Variants in KHK observed in about 807,000 individuals in gnomAD.
KHK encodes the protein ketohexokinase.
KHK carries 37 observed loss-of-function variants against 36.0 expected under a neutral mutation model. The observed-to-expected ratio is 1.03, with a 90% CI of 0.79 to 1.35. The LOEUF (loss-of-function observed/expected upper bound fraction) is 1.35, where lower values mean the gene tolerates loss of function less well. Ranked by LOEUF, KHK falls within the 40% of genes most tolerant of loss-of-function variation. The pLI, the probability that KHK is intolerant of heterozygous loss-of-function variation, is 0.00. For missense variants in KHK, 395 were observed against 391.9 expected (o/e 1.01, Z -0.07); for synonymous variants, 161 against 162.8 (o/e 0.99, Z 0.08).
intron 2 of KHK, among the ~76,000 whole-genome samples, chr2:27,093,194 G>A (rs946438042): frequency 2.6e-5 from 4 of 152,206 alleles, no homozygotes; most frequent in Non-Finnish European, 4.4e-5. Context: ...CTGGTTTGAA[G>A]GGGGCTGCTG....
At chr2:27,088,579 A>AT (rs1014500680) in intron 1 of KHK, among the ~76,000 whole-genome samples, 20 of 149,892 alleles carry the variant, frequency 1.3e-4, no homozygotes, top group African/African-American at 3.2e-4. Context: ...TGCCCCACTA[A>AT]TTTTTTTTTT....
rs1250129729 is a variant in KHK, at chr2:27,087,329, C to G, written c.70C>G (p.Pro24Ala). Reference sequence around the variant, plus strand: ...CGTCATCAGCCTGGTGGACAAGTACCCTAAGGAGGACTCGGAGATAAGGTA... The same window carrying G: ...CGTCATCAGCCTGGTGGACAAGTACGCTAAGGAGGACTCGGAGATAAGGTA... ...LDVISLVDKY[P>A]KEDSEIRCLS... The change falls in exon 1 of 8, where the codon CCT becomes GCT. Residue 24 changes from proline (P) to alanine (A), a missense_variant. Transcript: ENST00000260598. 1 of 1,597,398 alleles carries G rather than the reference C, an allele frequency of 6.3e-7. No individual in the cohort carries two copies. Among genetic ancestry groups the G allele is most frequent in the Non-Finnish European group, 8.5e-7 (1 of 1,171,650 alleles).
At chr2:27,087,504 C>T (rs1372535683) in intron 1 of KHK, among the ~76,000 whole-genome samples, 153 bp downstream of exon 1, 2 of 152,212 alleles carry the variant, frequency 1.3e-5, no homozygotes, top group African/African-American at 4.8e-5. Context: ...CCTGGGGGGG[C>T]TCCCAGCATG....
At chr2:27,091,234 C>T (rs1410558955) in intron 1 of KHK, among the ~76,000 whole-genome samples, 2 of 152,010 alleles carry the variant, frequency 1.3e-5, no homozygotes, top group Non-Finnish European at 2.9e-5. Flanking sequence ...GTATGCACCA[C>T]CATACCCAGC....
chr2:27,091,203 C>T (rs545619091), intron 1 of KHK, among the ~76,000 whole-genome samples: 39 of 152,322 alleles, frequency 2.6e-4, no homozygotes, highest in Non-Finnish European at 4.3e-4. Context: ...ACTTCAGCCT[C>T]CTGAGTAGCT....
intron 5 of KHK, among the ~76,000 whole-genome samples, chr2:27,098,257 A>C (rs1477783804): frequency 6.6e-6 from 1 of 152,072 alleles, no homozygotes; most frequent in Non-Finnish European, 1.5e-5. Context: ...GTAGTGGCTC[A>C]CACTTGTAAT....
intron 3 of KHK, among the ~76,000 whole-genome samples, chr2:27,096,131 T>C (rs79779823): frequency 6.6e-4 from 100 of 152,340 alleles, no homozygotes; most frequent in East Asian, 5.8e-4. Context: ...GCGGGGACTT[T>C]GGCTGAGTTG....
intron 4 of KHK, 36 bp from the exon 5 acceptor site, chr2:27,097,467 T>C (rs771705386): frequency 1.6e-5 from 25 of 1,611,696 alleles, no homozygotes; most frequent in Non-Finnish European, 2.0e-5. Context: ...GGCCAGGCAG[T>C]GCCCAGCGGT....
At chr2:27,089,928 C>T (rs1033688398) in intron 1 of KHK, among the ~76,000 whole-genome samples, 2 of 152,258 alleles carry the variant, frequency 1.3e-5, no homozygotes, top group Non-Finnish European at 2.9e-5. Flanking sequence ...TCTTGGCTCA[C>T]TGCAACCTCC....
chr2:27,096,731 G>A lies in KHK; in HGVS notation c.347G>A (p.Ser116Asn), dbSNP rs1386498526. ...GTCTTTTCCATCCTGTGACCTAGGA[G>A]CCTGCCAGATGTGTCTGCTACAGAC... ...GNRTIVLHDT[S>N]LPDVSATDFE... is the part of the protein sequence containing the mutation. The change falls in exon 4 of 8, where the codon AGC becomes AAC. Residue 116 changes from serine to asparagine, a missense_variant and splice_region_variant. Coordinates refer to ENST00000260598, the MANE Select transcript of KHK (RefSeq NM_006488.3). The A allele has an allele frequency of 1.2e-6, 2 of 1,613,832 alleles. No individual in the cohort carries two copies. Among genetic ancestry groups the A allele is most frequent in the South Asian group, 1.1e-5 (1 of 91,070 alleles).
intron 6 of KHK, 22 bp downstream of exon 6, chr2:27,099,306 G>A (rs760400912): frequency 1.6e-5 from 26 of 1,613,730 alleles, no homozygotes; most frequent in Middle Eastern, 3.3e-4. Flanking sequence ...AAGCCAGGAA[G>A]GGGCTTTAGA....
At chr2:27,094,989 G>A (rs547782387) in intron 3 of KHK, 55 bp downstream of exon 3, 2 of 1,604,498 alleles carry the variant, frequency 1.2e-6, no homozygotes, top group South Asian at 1.1e-5. Flanking sequence ...GGCTCAATCA[G>A]TTCCCTCACT....
Position 27,096,774 on chromosome 2 carries a change from G to A in KHK, c.390G>A (p.Leu130=). The A allele has an allele frequency of 6.2e-7, 1 of 1,614,056 alleles. No homozygotes were observed. The highest frequency in any genetic ancestry group is 1.1e-5 in the South Asian group (1 of 91,070). The change falls in exon 4 of 8, where the codon CTG becomes CTA. Residue 130 remains leucine (L), a synonymous_variant. Transcript: ENST00000260598. Reference sequence around the variant, plus strand: ...CTACAGACTTTGAGAAGGTTGATCTGACCCAGTTCAAGTGGATCCACATTG... The same window carrying A: ...CTACAGACTTTGAGAAGGTTGATCTAACCCAGTTCAAGTGGATCCACATTG... ...VSATDFEKVD[L]TQFKWIHIEG... is the part of the protein sequence containing the mutation.
rs376058667 is a variant in KHK at position 27,096,817 on chromosome 2, C to G, written c.417+16C>G. On this transcript the variant is annotated intron_variant, in intron 4 of 7. Coordinates refer to ENST00000260598, the MANE Select transcript of KHK (RefSeq NM_006488.3). The stretch of plus-strand genomic sequence containing the variant: ...CCACATTGAGGTAAGCCCTGCCTTA[C>G]CTGTGTTTCAAGGGGCTCAACCTGC... 32 of 1,606,292 alleles carry G rather than the reference C, an allele frequency of 2.0e-5. No homozygotes were observed. Among genetic ancestry groups the G allele is most frequent in the Non-Finnish European group, 2.6e-5 (30 of 1,173,086 alleles).
chr2:27,094,941 C>A lies in KHK; in HGVS notation c.344+7C>A. On this transcript the variant is annotated splice_region_variant and intron_variant, in intron 3 of 7. Transcript: ENST00000260598. ...CCATTGTGCTCCATGACACGTAAGG[C>A]CCCCGGGCCTCGCCCTGCTACAACC... The A allele has an allele frequency of 6.2e-7, 1 of 1,613,606 alleles. No homozygotes were observed. The highest frequency in any genetic ancestry group is 8.5e-7 in the Non-Finnish European group (1 of 1,179,918).
intron 3 of KHK, among the ~76,000 whole-genome samples, chr2:27,096,175 C>G (rs1445440755): frequency 6.6e-6 from 1 of 152,206 alleles, no homozygotes; most frequent in Non-Finnish European, 1.5e-5. Context: ...AGGCAGACCT[C>G]TATCGGGAGT....
chr2:27,094,646 C>T (rs756792330), intron 2 of KHK, 154 bp from the exon 3 acceptor site: 6 of 1,613,908 alleles, frequency 3.7e-6, no homozygotes, highest in Admixed American at 1.7e-5. Flanking sequence ...CCAGCTGCTG[C>T]CGCCGCCACC....
rs200568467 is a variant in KHK at position 27,094,819 on chromosome 2, A to T, written c.229A>T (p.Arg77Trp). The change falls in exon 3 of 8, where the codon AGG becomes TGG. Residue 77 changes from arginine (R) to tryptophan (W), a missense_variant. Physicochemically the swap from Arg to Trp is moderately radical, Grantham distance 101. Coordinates refer to ENST00000260598, the MANE Select transcript of KHK (RefSeq NM_006488.3). ...HVADFLVADF[R>W]RRGVDVSQVA... ...CCTAAGCTTCCTGGTGGCCGACTTC[A>T]GGCGGCGGGGCGTGGACGTGTCTCA... The T allele has an allele frequency of 7.1e-5, 115 of 1,613,898 alleles. No individual in the cohort carries two copies. The highest frequency in any genetic ancestry group is 9.2e-5 in the Non-Finnish European group (109 of 1,180,040).
chr2:27,090,810 T>C (rs1039599484), intron 1 of KHK, among the ~76,000 whole-genome samples: 2 of 151,654 alleles, frequency 1.3e-5, no homozygotes, highest in Non-Finnish European at 2.9e-5. Context: ...TCCCAGCACT[T>C]TGGGAGGCCA....
Sources: allele counts gnomAD v4.1 joint callset (sites outside exome capture counted in the v4.1 genomes callset), GRCh38; gene constraint gnomAD v4.1.1; transcripts MANE v1.5; gene names NCBI Gene and HGNC (gene_info 2026-07-23, HGNC 2026-07-21).